The following HYKK variants were observed in gnomAD, a reference collection of about 807,000 sequenced individuals.
HYKK encodes 5-hydroxy-L-lysine kinase.
HYKK carries 19 observed loss-of-function variants against 29.7 expected under a neutral mutation model. The ratio of observed to expected loss-of-function variants is 0.64; its 90% CI spans 0.45 to 0.94. HYKK has a LOEUF of 0.94. Among genes scored for constraint, HYKK ranks in the 40% least tolerant of loss-of-function variants. HYKK has a pLI of 0.00. For missense variants in HYKK, 390 were observed against 443.4 expected, an observed-to-expected ratio of 0.88 and a Z score of 1.08; for synonymous variants, 152 against 158.1, an observed-to-expected ratio of 0.96 and a Z score of 0.29.
rs1371331174 is a variant in HYKK at position 78,533,636 on chromosome 15, C to G, written c.1088C>G (p.Thr363Ser). Reference sequence around the variant, plus strand: ...GCTGTAGAAGAAATCTGGTTTGAAACTGCCAAATCCTATGAATCTGGGATC... The same window carrying G: ...GCTGTAGAAGAAATCTGGTTTGAAAGTGCCAAATCCTATGAATCTGGGATC... ...QKAVEEIWFETAKSYESGISM is the reference protein window; with the variant it reads ...QKAVEEIWFESAKSYESGISM The change falls in exon 5 of 5, where the codon ACT (threonine) becomes AGT (serine). Residue 363 changes from threonine (T) to serine (S), a missense_variant. Physicochemically the swap from Thr to Ser is moderately conservative, Grantham distance 58 (BLOSUM62 1). Transcript: ENST00000388988. The G allele has an allele frequency of 1.9e-6, 3 of 1,613,982 alleles. No individual in the cohort carries two copies. The African/African-American group carries it at 4.0e-5, about 22-fold the overall frequency.
At chr15:78,527,939 GTAGTTT>G (rs1347959428) in intron 4 of HYKK, 1 of 174,896 alleles carries the variant, frequency 5.7e-6, no homozygotes, top group African/African-American at 2.4e-5. Context: ...ATGAATATTT[GTAGTTT>G]TAATTTAGTT....
intron 3 of HYKK, among the ~76,000 whole-genome samples, chr15:78,525,864 CT>C (rs1741307548): frequency 1.3e-5 from 2 of 152,274 alleles, no homozygotes; most frequent in East Asian, 3.9e-4. Context: ...TTTACTGAGA[CT>C]TTTTCTTTAT....
chr15:78,532,680 C>G (rs2052323912), intron 4 of HYKK, among the ~76,000 whole-genome samples: 1 of 152,014 alleles, frequency 6.6e-6, no homozygotes, highest in African/African-American at 2.4e-5. Flanking sequence ...CCCCTGTAAT[C>G]CAGCTACTCA....
chr15:78,520,658 A>G (rs574581470), intron 3 of HYKK, among the ~76,000 whole-genome samples: 6 of 152,266 alleles, frequency 3.9e-5, no homozygotes, highest in East Asian at 1.9e-4. Context: ...AGACACGGCA[A>G]CCATCCGATT....
intron 1 of HYKK, among the ~76,000 whole-genome samples, chr15:78,509,497 A>T (rs2052049925): frequency 6.6e-6 from 1 of 152,266 alleles, no homozygotes; most frequent in African/African-American, 2.4e-5. Context: ...TGGAATAGAA[A>T]GGAGATTGGC....
At position 78,513,317 on chromosome 15, in the gene HYKK, C is replaced by T. The variant is rs1289609015; in HGVS notation, c.229C>T (p.Leu77=). 1.9e-6 allele frequency: 3 copies of T among 1,614,158 alleles called. No individual in the cohort carries two copies. In the South Asian group the frequency reaches 3.3e-5, roughly 18 times the overall value. The change falls in exon 2 of 5, where the codon CTG becomes TTG. Residue 77 remains leucine (L), a synonymous_variant. Transcript: ENST00000388988. ...CACCAAGGCTAGCAAAAATCCAGAC[C>T]TGATTGAAGTGCAGAATCACATCAT... The part of the protein sequence containing the change: ...SNTKASKNPD[L]IEVQNHIIMF...
rs75672035 is a variant in HYKK at position 78,526,578 on chromosome 15, T to C, written c.478-802T>C. 2.3e-3 allele frequency among the ~76,000 whole-genome samples: 344 copies of C among 152,292 alleles called. 8 individuals are homozygous for C. In the East Asian group the frequency reaches 0.056, roughly 25 times the overall value. ...AGCAAAAGGCTGTGAGGTGGGAACG[T>C]GCCTAGCATGTTCCTTGAACAACAG... is the stretch of plus-strand genomic sequence containing the variant. On this transcript the variant is annotated intron_variant, in intron 3 of 4. Transcript: ENST00000388988.
rs918211110 is a variant in HYKK, at chr15:78,533,989, T to G, written c.*319T>G. 8.7e-6 allele frequency: 2 copies of G among 228,694 alleles called. No homozygotes were observed. Among genetic ancestry groups the G allele is most frequent in the African/African-American group, 2.3e-5 (1 of 43,174 alleles). 14.2% of individuals were successfully genotyped at this position (228,694 alleles called of 1,614,324 possible). On this transcript the variant is annotated 3_prime_UTR_variant, in exon 5 of 5. Transcript: ENST00000388988. The stretch of plus-strand genomic sequence containing the variant: ...TCCTGCCCTGAGATTAATGACTATT[T>G]TAATTTTAAAAATAATATATACATA...
chr15:78,533,837 C>T lies in HYKK; in HGVS notation c.*167C>T, dbSNP rs950138947. 6.7e-6 allele frequency: 4 copies of T among 599,914 alleles called. No homozygotes were observed. The African/African-American group carries it at 7.4e-5, about 11-fold the overall frequency. The allele number at this position is 599,914 out of a possible 1,614,324, so 37.2% of individuals were successfully genotyped here. A position where few individuals can be genotyped will look rare whatever the true frequency, so the allele number is the denominator to read the frequency against. On this transcript the variant is annotated 3_prime_UTR_variant, in exon 5 of 5. Coordinates refer to ENST00000388988, the MANE Select transcript of HYKK (RefSeq NM_001013619.4). ...AATCCCTAAGGTCTTCAAGCAATCT[C>T]GTGACAATTTTTTAAAATTCACAAA...
chr15:78,532,835 A>G (rs865953155), intron 4 of HYKK, among the ~76,000 whole-genome samples: 3 of 152,312 alleles, frequency 2.0e-5, no homozygotes, highest in Middle Eastern at 3.4e-3. Flanking sequence ...CTAGATGAAA[A>G]TAAAGGTAAA....
At chr15:78,520,287 G>A (rs183869702) in intron 3 of HYKK, among the ~76,000 whole-genome samples, 243 of 151,822 alleles carry the variant, frequency 1.6e-3, no homozygotes, top group African/African-American at 4.7e-3. Flanking sequence ...TTCTCGCAGA[G>A]GGGGATTTGG....
In HYKK at chr15:78,533,219, A is replaced by C; in HGVS notation, c.671A>C (p.His224Pro). 1 of 1,591,820 alleles carries C rather than the reference A, an allele frequency of 6.3e-7. No homozygotes were observed. Among genetic ancestry groups the C allele is most frequent in the Non-Finnish European group, 8.6e-7 (1 of 1,161,778 alleles). Reference sequence around the variant, plus strand: ...ATTTTTCTACTTTCAGGTATCAATCACGGAGATCTTAATGACCATAATATT... The same window carrying C: ...ATTTTTCTACTTTCAGGTATCAATCCCGGAGATCTTAATGACCATAATATT... ...KLSHFRECIN[H>P]GDLNDHNILI... is the part of the protein sequence containing the mutation. The change falls in exon 5 of 5, where the codon CAC (histidine) becomes CCC (proline). Residue 224 changes from histidine to proline, a missense_variant. By Grantham distance (77) the His-to-Pro change is moderately conservative (BLOSUM62 -2). Coordinates refer to ENST00000388988, the MANE Select transcript of HYKK (RefSeq NM_001013619.4).
intron 3 of HYKK, among the ~76,000 whole-genome samples, chr15:78,518,962 G>A (rs933597317): frequency 3.4e-5 from 5 of 148,372 alleles, no homozygotes; most frequent in Non-Finnish European, 7.4e-5. Flanking sequence ...AGTGTAAATA[G>A]TATTCATTTA....
chr15:78,527,970 G>A (rs1034489821), intron 4 of HYKK: 1 of 164,552 alleles, frequency 6.1e-6, no homozygotes, highest in African/African-American at 2.4e-5. Context: ...AGTTTTAACT[G>A]CTAAATAGTA....
chr15:78,529,118 T>G (rs914886508), intron 4 of HYKK, among the ~76,000 whole-genome samples: 1 of 152,220 alleles, frequency 6.6e-6, no homozygotes, highest in Non-Finnish European at 1.5e-5. Context: ...TCTGGATGAT[T>G]GCAGTAGCCT....
rs558983704 is a variant in HYKK at position 78,533,620 on chromosome 15, G to T, written c.1072G>T (p.Glu358Ter). 1 of 1,614,202 alleles carries T rather than the reference G, an allele frequency of 6.2e-7. No homozygotes were observed. The highest frequency in any genetic ancestry group is 1.1e-5 in the South Asian group (1 of 91,090). Residue 358 changes from glutamate (E) to a stop codon, truncating the protein, a stop_gained, in exon 5 of 5, where the codon GAA becomes TAA. Coordinates refer to ENST00000388988, the MANE Select transcript of HYKK (RefSeq NM_001013619.4). LOFTEE classifies it high-confidence loss of function. ...MFDMGQKAVE[E>*]IWFETAKSYE... ...TGACATGGGTCAGAAAGCTGTAGAA[G>T]AAATCTGGTTTGAAACTGCCAAATC...
At chr15:78,517,286 C>G (rs2052145821) in intron 3 of HYKK, among the ~76,000 whole-genome samples, 1 of 151,666 alleles carries the variant, frequency 6.6e-6, no homozygotes, top group South Asian at 2.1e-4. Context: ...TTAAGACTTT[C>G]TCTTGAGGCC....
At chr15:78,514,100 T>C (rs1262202352) in intron 2 of HYKK, among the ~76,000 whole-genome samples, 1 of 151,994 alleles carries the variant, frequency 6.6e-6, no homozygotes, top group Non-Finnish European at 1.5e-5. Flanking sequence ...CCTGTTTTTT[T>C]GTTTTTTTTT....
At chr15:78,518,621 A>G (rs527685779) in intron 3 of HYKK, 4 of 454,768 alleles carry the variant, frequency 8.8e-6, no homozygotes, top group South Asian at 6.2e-5. Flanking sequence ...CCTATTGGCC[A>G]AAAACTGAAG....
Sources: gnomAD v4.1 joint callset for allele counts (sites outside exome capture counted in the v4.1 genomes callset) on GRCh38, gnomAD v4.1.1 for gene constraint, MANE v1.5 for transcripts, NCBI Gene and HGNC (gene_info 2026-07-23, HGNC 2026-07-21) for gene names.